The following ELMO1 variants were observed in gnomAD, a reference collection of about 807,000 sequenced individuals.
ELMO1 encodes the protein engulfment and cell motility protein 1.
ELMO1 carries 26 observed loss-of-function variants against 98.9 expected under a neutral mutation model. That is an observed-to-expected ratio of 0.26 (90% CI 0.19 to 0.36). The LOEUF (loss-of-function observed/expected upper bound fraction) is 0.36, where lower values mean the gene tolerates loss of function less well. ELMO1 is among the 10% of genes least tolerant of loss of function. The probability of loss-of-function intolerance (pLI) is 1.00; values close to 1 mark genes in which losing one functional copy is unlikely to be tolerated. For synonymous variants in ELMO1, 346 were observed against 346.0 expected (o/e 1.00, Z 0.00); for missense variants, 627 against 935.2 (o/e 0.67, Z 4.30).
intron 20 of ELMO1, among the ~76,000 whole-genome samples, chr7:36,864,780 TGCTCATGACCGAA>T (rs1184733311): frequency 6.6e-6 from 1 of 152,230 alleles, no homozygotes; most frequent in African/African-American, 2.4e-5. Flanking sequence ...GGGGCTTTGT[TGCTCATGACCGAA>T]GCTCTTTTAT....
rs1220934903 is a variant in ELMO1 at position 37,224,942 on chromosome 7, T to C, written c.638A>G (p.His213Arg). The change falls in exon 9 of 22, where the codon CAT becomes CGT. Residue 213 changes from histidine (H) to arginine (R), a missense_variant. This residue lies in a region of ELMO1 where 492 missense variants were observed against 715.6 expected (regional missense o/e 0.69). Transcript: ENST00000310758. The part of the protein sequence containing the change: ...AILESMVLNS[H>R]DLYQKVAQEI... ...CTGCGCCACTTTCTGGTAGAGGTCA[T>C]GGCTATTGAGCACCATCGACTCCAA... 3 of 1,614,144 alleles carry C rather than the reference T, an allele frequency of 1.9e-6. No homozygotes were observed. The highest frequency in any genetic ancestry group is 2.5e-6 in the Non-Finnish European group (3 of 1,180,022).
chr7:36,906,112 C>A (rs1048385400), intron 16 of ELMO1, among the ~76,000 whole-genome samples: 2 of 152,234 alleles, frequency 1.3e-5, no homozygotes, highest in African/African-American at 4.8e-5. Context: ...GCTCTGCCAT[C>A]AGGCAAGGCT....
chr7:37,171,477 CTTTCTATTTTTTTT>C (rs1563054324), intron 13 of ELMO1, among the ~76,000 whole-genome samples: 2 of 92,540 alleles, frequency 2.2e-5, no homozygotes, highest in Admixed American at 1.3e-4. Flanking sequence ...GTAACCAGGC[CTTTCTATTTTTTTT>C]TTTTTTTTTT....
intron 5 of ELMO1, chr7:37,271,575 C>T (rs1796560654): frequency 4.7e-6 from 2 of 423,732 alleles, no homozygotes; most frequent in Admixed American, 4.1e-5. Flanking sequence ...AGAAAGTTTA[C>T]GAATTTGTGA....
intron 14 of ELMO1, among the ~76,000 whole-genome samples, chr7:37,127,105 G>A (rs75345349): frequency 0.028 from 4,319 of 152,214 alleles, 207 homozygotes; most frequent in African/African-American, 0.099. Context: ...CTGAACATCT[G>A]AATACTTCTG....
chr7:37,350,772 C>A (rs562164828), intron 1 of ELMO1, among the ~76,000 whole-genome samples: 1 of 152,244 alleles, frequency 6.6e-6, no homozygotes, highest in South Asian at 2.1e-4. Context: ...AAAATTAGGT[C>A]TTCAGGCCGG....
At chr7:37,438,517 G>A (rs1014921412) in intron 1 of ELMO1, among the ~76,000 whole-genome samples, 5 of 151,630 alleles carry the variant, frequency 3.3e-5, no homozygotes, top group Non-Finnish European at 5.9e-5. Context: ...GGAGAATGGC[G>A]TGAACCCGGG....
At chr7:37,398,799 C>T (rs1393176530) in intron 1 of ELMO1, among the ~76,000 whole-genome samples, 1 of 152,204 alleles carries the variant, frequency 6.6e-6, no homozygotes, top group East Asian at 1.9e-4. Context: ...CCCTGCTGGA[C>T]TCATGAGCCA....
At chr7:37,384,095 G>GT (rs1427135357) in intron 1 of ELMO1, among the ~76,000 whole-genome samples, 1 of 152,262 alleles carries the variant, frequency 6.6e-6, no homozygotes, top group African/African-American at 2.4e-5. Flanking sequence ...GATTACAGGC[G>GT]TGAGCCACTG....
intron 1 of ELMO1, among the ~76,000 whole-genome samples, chr7:37,439,552 T>A (rs1267598259): frequency 2.0e-5 from 3 of 152,242 alleles, no homozygotes; most frequent in Non-Finnish European, 4.4e-5. Flanking sequence ...GCAAAGTGGC[T>A]GTTGACTGAC....
intron 1 of ELMO1, among the ~76,000 whole-genome samples, chr7:37,418,228 T>C (rs1332250780): frequency 6.6e-6 from 1 of 152,206 alleles, no homozygotes; most frequent in African/African-American, 2.4e-5. Flanking sequence ...CTTCTTTTTC[T>C]GGACTTGAGA....
At chr7:37,101,230 A>C (rs1473428212) in intron 14 of ELMO1, among the ~76,000 whole-genome samples, 1 of 152,232 alleles carries the variant, frequency 6.6e-6, no homozygotes, top group Non-Finnish European at 1.5e-5. Flanking sequence ...TCACCTGCTT[A>C]CACCAAGAAT....
At chr7:37,044,324 A>T (rs1437069187) in intron 15 of ELMO1, among the ~76,000 whole-genome samples, 2 of 152,180 alleles carry the variant, frequency 1.3e-5, no homozygotes, top group Admixed American at 1.3e-4. Flanking sequence ...ACTGTATCCC[A>T]TTAAAAAAGC....
chr7:37,396,580 C>T (rs1032004523), intron 1 of ELMO1, among the ~76,000 whole-genome samples: 4 of 152,164 alleles, frequency 2.6e-5, no homozygotes, highest in African/African-American at 9.7e-5. Flanking sequence ...TGCTATCACA[C>T]AGGAATCCTT....
At chr7:37,446,464 G>C (rs1279198641) in intron 1 of ELMO1, among the ~76,000 whole-genome samples, 3 of 152,190 alleles carry the variant, frequency 2.0e-5, no homozygotes, top group Non-Finnish European at 4.4e-5. Flanking sequence ...CTGACAACTG[G>C]ACAGAGACCT....
chr7:37,259,064 G>T, intron 6 of ELMO1, 117 bp downstream of exon 6: 1 of 1,197,166 alleles, frequency 8.4e-7, no homozygotes. Context: ...TTTTTTTCCT[G>T]AGTCTAACCA....
chr7:37,296,336 T>C (rs1340099026), intron 4 of ELMO1, among the ~76,000 whole-genome samples: 1 of 152,144 alleles, frequency 6.6e-6, no homozygotes, highest in Non-Finnish European at 1.5e-5. Context: ...TTAGGGCCTT[T>C]CTCTGTAGCC....
At chr7:37,385,757 C>G (rs1802774949) in intron 1 of ELMO1, among the ~76,000 whole-genome samples, 1 of 152,238 alleles carries the variant, frequency 6.6e-6, no homozygotes, top group African/African-American at 2.4e-5. Flanking sequence ...CGCTAGCTTC[C>G]CACATGGCAA....
chr7:36,862,377 G>A (rs772998427), intron 20 of ELMO1, among the ~76,000 whole-genome samples: 5 of 152,184 alleles, frequency 3.3e-5, no homozygotes, highest in African/African-American at 9.7e-5. Context: ...AGGTATAATC[G>A]AGAAGCACGG....
Sources: gnomAD v4.1 joint callset for allele counts (sites outside exome capture counted in the v4.1 genomes callset) on GRCh38, gnomAD v4.1.1 for gene constraint, gnomAD v4.1.1 regional missense constraint, MANE v1.5 for transcripts, NCBI Gene and HGNC (gene_info 2026-07-23, HGNC 2026-07-21) for gene names.